The following ZBTB40 variants were observed in gnomAD, a reference collection of about 807,000 sequenced individuals.
The protein encoded by ZBTB40 is zinc finger and BTB domain containing 40, also known as zinc finger and BTB domain-containing protein 40.
Under a neutral mutation model 117.5 loss-of-function variants are expected in ZBTB40, and 60 were observed. The observed-to-expected ratio is 0.51, with a 90% CI of 0.41 to 0.63. ZBTB40 has a LOEUF of 0.63. Ranked by LOEUF, ZBTB40 falls within the 30% of genes least tolerant of loss-of-function variation. ZBTB40 has a pLI of 0.00. For synonymous variants in ZBTB40, 525 were observed against 577.1 expected, an observed-to-expected ratio of 0.91 and a Z score of 1.29; for missense variants, 1,287 against 1,498.5, an observed-to-expected ratio of 0.86 and a Z score of 2.33.
intron 1 of ZBTB40, among the ~76,000 whole-genome samples, chr1:22,486,146 A>G (rs996283366): frequency 6.6e-6 from 1 of 152,224 alleles, no homozygotes; most frequent in Non-Finnish European, 1.5e-5. Context: ...AAAGGTGGAC[A>G]TGATGTACTG....
chr1:22,435,917 A>T (rs77805233), intron 1 of ZBTB40, among the ~76,000 whole-genome samples: 3 of 152,134 alleles, frequency 2.0e-5, no homozygotes, highest in Admixed American at 2.0e-4. Flanking sequence ...AAAAAAAAAA[A>T]AAATACAAAA....
In ZBTB40 at chr1:22,501,677, G is replaced by T. The variant is rs1638942411; in HGVS notation, c.1017G>T (p.Gln339His). 7 of 1,613,520 alleles carry T rather than the reference G, an allele frequency of 4.3e-6. No individual in the cohort carries two copies. The highest frequency in any genetic ancestry group is 1.3e-5 in the African/African-American group (1 of 74,902). The change falls in exon 4 of 18, where the codon CAG becomes CAT. Residue 339 changes from glutamine to histidine, a missense_variant. Physicochemically the swap from Gln to His is conservative, Grantham distance 24. Around this residue, in one of 2 missense-constraint regions of ZBTB40, gnomAD observed 870 missense variants for 934.4 expected, o/e 0.93. Transcript: ENST00000375647. Reference protein sequence around the residue: ...DRKPEDVDTVQPKGSTEEGKT... With the variant: ...DRKPEDVDTVHPKGSTEEGKT... ...AGCCAGAAGATGTAGACACAGTGCA[G>T]CCAAAAGGTAGGAGAAGATCCTATG... is the stretch of plus-strand genomic sequence containing the variant.
chr1:22,483,191 A>T (rs554718793), intron 1 of ZBTB40, among the ~76,000 whole-genome samples: 16 of 151,850 alleles, frequency 1.1e-4, no homozygotes, highest in African/African-American at 2.7e-4. Flanking sequence ...ACCACAGTTT[A>T]TTCATTATAT....
At chr1:22,443,561 A>G (rs942283765) in intron 1 of ZBTB40, among the ~76,000 whole-genome samples, 7 of 152,208 alleles carry the variant, frequency 4.6e-5, no homozygotes, top group Non-Finnish European at 8.8e-5. Flanking sequence ...TGAACCCCCT[A>G]AGTAGCAGGC....
chr1:22,478,274 GTC>G (rs1641598164), intron 1 of ZBTB40, among the ~76,000 whole-genome samples: 1 of 151,798 alleles, frequency 6.6e-6, no homozygotes, highest in Non-Finnish European at 1.5e-5. Flanking sequence ...TTGAGACGGA[GTC>G]TCGCTCTGTC....
chr1:22,489,436 C>A (rs1638561764), intron 1 of ZBTB40, among the ~76,000 whole-genome samples: 1 of 151,946 alleles, frequency 6.6e-6, no homozygotes, highest in East Asian at 1.9e-4. Context: ...CTGAATAAGC[C>A]AAGGACATTG....
Position 22,459,652 on chromosome 1 carries a change from CT to C in ZBTB40, c.-70+7653del, listed in dbSNP as rs1312705579. Among the ~76,000 whole-genome samples, 3 of 152,250 alleles carry C rather than the reference CT, an allele frequency of 2.0e-5. No homozygotes were observed. The East Asian group carries it at 5.8e-4, about 29-fold the overall frequency. ...AAGGGCCAATTTTTAAAATATTGCT[CT>C]TTTTCAGGGTTTTCCTGGCTGTTTT... On this transcript the variant is annotated intron_variant, in intron 1 of 17. Coordinates refer to ENST00000375647, the MANE Select transcript of ZBTB40 (RefSeq NM_014870.4).
chr1:22,430,638 AT>A (rs112026539), intron 1 of ZBTB40, among the ~76,000 whole-genome samples: 129 of 144,306 alleles, frequency 8.9e-4, no homozygotes, highest in South Asian at 8.8e-4. Flanking sequence ...CACCCGACTA[AT>A]TTTTTTTTTT....
Position 22,504,434 on chromosome 1 carries a change from A to G in ZBTB40, c.1168-1615A>G, listed in dbSNP as rs570466816. Among the ~76,000 whole-genome samples the G allele has an allele frequency of 5.1e-4, 78 of 152,318 alleles. No homozygotes were observed. The South Asian group carries it at 0.016, about 31-fold the overall frequency. On this transcript the variant is annotated intron_variant, in intron 5 of 17. Transcript: ENST00000375647. ...TTAAACATTATTAAGTTTTGCCCTC[A>G]TAGCAACTTTATGACATCATGGATA...
chr1:22,441,578 G>A (rs1028783958), intron 1 of ZBTB40, among the ~76,000 whole-genome samples: 1 of 143,438 alleles, frequency 7.0e-6, no homozygotes, highest in Non-Finnish European at 1.5e-5. Context: ...CACCTCCTGT[G>A]TTCAAGTGAT....
upstream of ZBTB40, among the ~76,000 whole-genome samples, chr1:22,450,305 T>G (rs977177656): frequency 6.6e-5 from 10 of 152,106 alleles, no homozygotes; most frequent in Non-Finnish European, 1.0e-4. Context: ...TTCTAGGTGT[T>G]TGTTTGCTAA....
At chr1:22,472,381 T>C (rs1641432897) in intron 1 of ZBTB40, among the ~76,000 whole-genome samples, 1 of 152,146 alleles carries the variant, frequency 6.6e-6, no homozygotes, top group South Asian at 2.1e-4. Context: ...GACGGGGGTC[T>C]TGCCATGTTG....
chr1:22,456,114 C>A (rs925075768), intron 1 of ZBTB40, among the ~76,000 whole-genome samples: 5 of 152,028 alleles, frequency 3.3e-5, no homozygotes, highest in African/African-American at 1.2e-4. Flanking sequence ...AAGCCATCAT[C>A]TGGATAATGT....
At position 22,511,846 on chromosome 1, in the gene ZBTB40, G is replaced by T; in HGVS notation, c.2173G>T (p.Ala725Ser). 1 of 1,614,140 alleles carries T rather than the reference G, an allele frequency of 6.2e-7. No homozygotes were observed. The highest frequency in any genetic ancestry group is 8.5e-7 in the Non-Finnish European group (1 of 1,180,022). The part of the protein sequence containing the change: ...GSLPGQQEKE[A>S]SASPDPAKKS... ...CTTGCCAGGACAGCAAGAGAAAGAGGCTTCAGCCTCCCCAGACCCTGCCAA... is the reference window on the plus strand; with the variant it reads ...CTTGCCAGGACAGCAAGAGAAAGAGTCTTCAGCCTCCCCAGACCCTGCCAA... Residue 725 changes from alanine to serine, a missense_variant, in exon 11 of 18, where the codon GCT becomes TCT. This residue lies in a region of ZBTB40 where 870 missense variants were observed against 934.4 expected (regional missense o/e 0.93). Coordinates refer to ENST00000375647, the MANE Select transcript of ZBTB40 (RefSeq NM_014870.4).
At chr1:22,506,688 T>C (rs1481228458) in intron 6 of ZBTB40, among the ~76,000 whole-genome samples, 2 of 152,156 alleles carry the variant, frequency 1.3e-5, no homozygotes, top group African/African-American at 4.8e-5. Context: ...CTTGGGGAAA[T>C]GAGTCCATAT....
Position 22,490,641 on chromosome 1 carries a change from A to G in ZBTB40, c.693A>G (p.Glu231=). ...GTGAGGCAAAGAAGACAAGCACAGA[A>G]CCAGGTAACAGTCATTGTTTTATAT... ...TFSEAKKTST[E]PGCERKHYQL... Residue 231 remains glutamate (E), a synonymous_variant, in exon 2 of 18, where the codon GAA becomes GAG. Transcript: ENST00000375647. 1 of 1,613,114 alleles carries G rather than the reference A, an allele frequency of 6.2e-7. No individual in the cohort carries two copies. The highest frequency in any genetic ancestry group is 1.1e-5 in the South Asian group (1 of 91,068).
At chr1:22,479,311 A>G (rs1347390082) in intron 1 of ZBTB40, among the ~76,000 whole-genome samples, 6 of 151,746 alleles carry the variant, frequency 4.0e-5, no homozygotes. Context: ...GCTGCTTGCT[A>G]TTTTTTTCTT....
chr1:22,506,906 G>A (rs1639089928), intron 6 of ZBTB40, among the ~76,000 whole-genome samples: 1 of 152,102 alleles, frequency 6.6e-6, no homozygotes, highest in African/African-American at 2.4e-5. Flanking sequence ...ACCTTGACAT[G>A]TTTTATCTAT....
At chr1:22,485,192 A>G (rs140561433) in intron 1 of ZBTB40, among the ~76,000 whole-genome samples, 4 of 152,134 alleles carry the variant, frequency 2.6e-5, no homozygotes, top group Non-Finnish European at 2.9e-5. Flanking sequence ...CTCTGCTTCT[A>G]TCTTCTGGAA....
Sources: gnomAD v4.1 joint callset for allele counts (sites outside exome capture counted in the v4.1 genomes callset) on GRCh38, gnomAD v4.1.1 for gene constraint, gnomAD v4.1.1 regional missense constraint, MANE v1.5 for transcripts, NCBI Gene and HGNC (gene_info 2026-07-23, HGNC 2026-07-21) for gene names.